The following PRKG1 variants were observed in gnomAD, a reference collection of about 807,000 sequenced individuals.
The protein encoded by PRKG1 is cGMP-dependent protein kinase 1.
Under a neutral mutation model 88.1 loss-of-function variants are expected in PRKG1, and 35 were observed. The ratio of observed to expected loss-of-function variants is 0.40; its 90% CI spans 0.30 to 0.53. The LOEUF (loss-of-function observed/expected upper bound fraction) is 0.53. Among genes scored for constraint, PRKG1 ranks in the 20% least tolerant of loss-of-function variants. The pLI is 0.59. For synonymous variants in PRKG1, 303 were observed against 292.5 expected, an observed-to-expected ratio of 1.04 and a Z score of -0.37; for missense variants, 540 against 839.8, an observed-to-expected ratio of 0.64 and a Z score of 4.41.
chr10:51,408,009 A>G (rs1358863225), intron 2 of PRKG1, among the ~76,000 whole-genome samples: 1 of 152,192 alleles, frequency 6.6e-6, no homozygotes, highest in Non-Finnish European at 1.5e-5. Flanking sequence ...AGAAAGAACT[A>G]AGACCTCTAG....
chr10:51,273,353 A>AAC (rs1231325400), intron 2 of PRKG1, among the ~76,000 whole-genome samples: 2 of 150,950 alleles, frequency 1.3e-5, no homozygotes, highest in African/African-American at 2.4e-5. Flanking sequence ...TCTTCCAAAA[A>AAC]AAAAAAAAAA....
intron 2 of PRKG1, among the ~76,000 whole-genome samples, chr10:51,332,571 G>T (rs1035510798): frequency 1.3e-5 from 2 of 152,208 alleles, no homozygotes; most frequent in African/African-American, 4.8e-5. Context: ...TGTATGTAAA[G>T]ATAAAAAGTC....
intron 8 of PRKG1, among the ~76,000 whole-genome samples, chr10:52,150,141 CCA>C (rs1449436077): frequency 1.1e-4 from 8 of 75,478 alleles, no homozygotes; most frequent in African/African-American, 3.9e-4. Flanking sequence ...GAGCAAGACT[CCA>C]TCTCAAAATA....
chr10:51,287,368 A>G (rs1176342125), intron 2 of PRKG1, among the ~76,000 whole-genome samples: 1 of 152,160 alleles, frequency 6.6e-6, no homozygotes, highest in African/African-American at 2.4e-5. Flanking sequence ...AAATAATTTG[A>G]GAAGATACCT....
chr10:51,259,431 C>T (rs1839646658), intron 2 of PRKG1, among the ~76,000 whole-genome samples: 1 of 152,106 alleles, frequency 6.6e-6, no homozygotes. Flanking sequence ...TTTCATTTCA[C>T]CTCTACAGTA....
rs185168742 is a variant in PRKG1 at position 51,804,860 on chromosome 10, A to T, written c.698+170A>T. Among the ~76,000 whole-genome samples, 49 of 152,130 alleles carry T rather than the reference A, an allele frequency of 3.2e-4. No individual in the cohort carries two copies. In the East Asian group the frequency reaches 7.3e-3, roughly 23 times the overall value. On this transcript the variant is annotated intron_variant, in intron 4 of 17. Transcript: ENST00000373980. The stretch of plus-strand genomic sequence containing the variant: ...AACATGCTTCTTTATATTTCTGGTG[A>T]TAAATCTGTAGAGATGTAAGACTTC...
At chr10:52,264,176 C>T (rs1589743989) in intron 10 of PRKG1, among the ~76,000 whole-genome samples, 1 of 13,368 alleles carries the variant, frequency 7.5e-5, no homozygotes, top group Non-Finnish European at 1.4e-4. Flanking sequence ...CTGTGAAGAG[C>T]TTTCTGGCAA....
Position 51,858,229 on chromosome 10 carries a change from A to T in PRKG1, c.699-49278A>T, listed in dbSNP as rs1222611091. 1.0e-4 allele frequency among the ~76,000 whole-genome samples: 2 copies of T among 19,598 alleles called. 1 individual carries two copies. The highest frequency in any genetic ancestry group is 1.0e-3 in the East Asian group (2 of 2,008). 12.9% of individuals were successfully genotyped at this position (19,598 alleles called of 152,430 possible). A position where few individuals can be genotyped will look rare whatever the true frequency, so the allele number is the denominator to read the frequency against. On this transcript the variant is annotated intron_variant, in intron 4 of 17. Transcript: ENST00000373980. Reference sequence around the variant, plus strand: ...ATATATACATATTATACATATATATAATATATATTATATATAATACATATT... The same window carrying T: ...ATATATACATATTATACATATATATTATATATATTATATATAATACATATT...
At chr10:51,580,019 G>A (rs911581722) in intron 3 of PRKG1, among the ~76,000 whole-genome samples, 3 of 151,924 alleles carry the variant, frequency 2.0e-5, no homozygotes, top group African/African-American at 4.8e-5. Flanking sequence ...AAGTAATAAC[G>A]CTTCTCCAGT....
At chr10:51,385,822 C>T (rs1284744200) in intron 2 of PRKG1, among the ~76,000 whole-genome samples, 2 of 152,082 alleles carry the variant, frequency 1.3e-5, no homozygotes, top group African/African-American at 2.4e-5. Context: ...GAGTAGAGGC[C>T]AAAAAGAAGC....
chr10:51,290,199 T>C (rs930872789), intron 2 of PRKG1, among the ~76,000 whole-genome samples: 1 of 152,184 alleles, frequency 6.6e-6, no homozygotes. Flanking sequence ...ATGATTGTGC[T>C]ACTGCACTGC....
rs577676106 is a variant in PRKG1, at chr10:52,037,413, C to T, written c.763-17071C>T. 2.5e-3 allele frequency among the ~76,000 whole-genome samples: 380 copies of T among 152,098 alleles called. 2 individuals carry two copies. Among genetic ancestry groups the T allele is most frequent in the African/African-American group, 8.1e-3 (337 of 41,462 alleles). ...AAATCCTGTTGTGGGGTTTGAGGGC[C>T]GGAATTTAATTTTTGGAGTTTTATT... On this transcript the variant is annotated intron_variant, in intron 5 of 17. Coordinates refer to ENST00000373980, the MANE Select transcript of PRKG1 (RefSeq NM_006258.4).
At chr10:52,270,123 G>A (rs1046917953) in intron 10 of PRKG1, among the ~76,000 whole-genome samples, 1 of 152,072 alleles carries the variant, frequency 6.6e-6, no homozygotes, top group Non-Finnish European at 1.5e-5. Flanking sequence ...AGGTTAAAAA[G>A]AAGAAATGAA....
rs79278491 is a variant in PRKG1, at chr10:51,842,524, T to C, written c.698+37834T>C. Among the ~76,000 whole-genome samples, 372 of 152,294 alleles carry C rather than the reference T, an allele frequency of 2.4e-3. 2 individuals are homozygous for C. The highest frequency in any genetic ancestry group is 8.6e-3 in the African/African-American group (358 of 41,564). On this transcript the variant is annotated intron_variant, in intron 4 of 17. Transcript: ENST00000373980. ...GTGGTTCCTGTGGTCTTGGTCAGTA[T>C]CAGCAAACATGTTTAGTGACAATGT... is the stretch of plus-strand genomic sequence containing the variant.
intron 3 of PRKG1, among the ~76,000 whole-genome samples, chr10:51,578,386 T>C (rs55862651): frequency 6.6e-6 from 1 of 151,944 alleles, no homozygotes; most frequent in South Asian, 2.1e-4. Context: ...CATTTTTCCT[T>C]GTCATTTTCT....
intron 2 of PRKG1, among the ~76,000 whole-genome samples, chr10:51,343,551 A>C (rs968170175): frequency 6.6e-6 from 1 of 152,134 alleles, no homozygotes; most frequent in Non-Finnish European, 1.5e-5. Context: ...CATATTTAAT[A>C]ATATATAATA....
intron 2 of PRKG1, among the ~76,000 whole-genome samples, chr10:51,293,155 G>A (rs1172082610): frequency 6.6e-6 from 1 of 151,918 alleles, no homozygotes; most frequent in Non-Finnish European, 1.5e-5. Flanking sequence ...ACCACAATCA[G>A]ACTAATTAAC....
At chr10:51,476,398 T>C (rs1471505152) in intron 3 of PRKG1, among the ~76,000 whole-genome samples, 4 of 152,172 alleles carry the variant, frequency 2.6e-5, no homozygotes, top group African/African-American at 9.6e-5. Flanking sequence ...GCTGAACATT[T>C]TCCTTTAAAG....
chr10:51,997,633 T>C (rs1285256106), intron 5 of PRKG1, among the ~76,000 whole-genome samples: 1 of 152,168 alleles, frequency 6.6e-6, no homozygotes, highest in African/African-American at 2.4e-5. Flanking sequence ...ATTAGTTAGC[T>C]AGGTTTATTC....
Sources: allele counts gnomAD v4.1 joint callset (sites outside exome capture counted in the v4.1 genomes callset), GRCh38; gene constraint gnomAD v4.1.1; transcripts MANE v1.5; gene names NCBI Gene and HGNC (gene_info 2026-07-23, HGNC 2026-07-21).